SARS1: variants seen among roughly 807,000 people sequenced by gnomAD.
The protein encoded by SARS1 is serine--tRNA ligase, cytoplasmic.
Under a neutral mutation model 63.7 loss-of-function variants are expected in SARS1, and 25 were observed. That is an observed-to-expected ratio of 0.39 (90% confidence interval 0.29 to 0.55). The LOEUF (loss-of-function observed/expected upper bound fraction) is 0.55. Among genes scored for constraint, SARS1 ranks in the 20% least tolerant of loss-of-function variants. The pLI is 0.62. For synonymous variants in SARS1, 231 were observed against 243.5 expected (o/e 0.95, Z 0.48); for missense variants, 417 against 649.7 (o/e 0.64, Z 3.89).
At chr1:109,218,796 T>C (rs1237435453) in intron 1 of SARS1, among the ~76,000 whole-genome samples, 1 of 152,184 alleles carries the variant, frequency 6.6e-6, no homozygotes, top group African/African-American at 2.4e-5. Context: ...CCACCTCATT[T>C]ATTGAGTGCT....
intron 1 of SARS1, among the ~76,000 whole-genome samples, chr1:109,220,193 T>G (rs1410068497): frequency 6.6e-6 from 1 of 152,260 alleles, no homozygotes; most frequent in Non-Finnish European, 1.5e-5. Flanking sequence ...TATGTGTGTC[T>G]TTTGGTAGAC....
chr1:109,224,420 T>C (rs937359686), intron 2 of SARS1, among the ~76,000 whole-genome samples: 2 of 152,226 alleles, frequency 1.3e-5, no homozygotes, highest in East Asian at 1.9e-4. Context: ...AGTTCAAATC[T>C]TGCTACGTTA....
intron 1 of SARS1, among the ~76,000 whole-genome samples, chr1:109,221,970 G>GTATA (rs773937466): frequency 5.7e-4 from 16 of 28,062 alleles, no homozygotes; most frequent in African/African-American, 1.7e-3. Flanking sequence ...TTGTGTGTGT[G>GTATA]TATATATATA....
At position 109,236,506 on chromosome 1, in the gene SARS1, G is replaced by T; in HGVS notation, c.1215G>T (p.Arg405=). The change falls in exon 9 of 11, where the codon CGG becomes CGT. Residue 405 remains arginine, a synonymous_variant. Coordinates refer to ENST00000234677, the MANE Select transcript of SARS1 (RefSeq NM_006513.4). ...CSNCTDYQAR[R]LRIRYGQTKK... is the part of the protein sequence containing the mutation. ...ATTGCACGGATTACCAGGCTCGCCG[G>T]CTTCGAATCCGATATGGGCAAACCA... 6.2e-7 allele frequency: 1 copy of T among 1,607,296 alleles called. No homozygotes were observed. Among genetic ancestry groups the T allele is most frequent in the Middle Eastern group, 1.7e-4 (1 of 6,044 alleles).
chr1:109,234,862 AG>A (rs1655277634), intron 6 of SARS1, among the ~76,000 whole-genome samples: 1 of 152,172 alleles, frequency 6.6e-6, no homozygotes, highest in Admixed American at 6.5e-5. Flanking sequence ...GCTACTCAGG[AG>A]GCTGAGGTGG....
intron 3 of SARS1, among the ~76,000 whole-genome samples, chr1:109,228,830 A>G (rs1655145035): frequency 6.6e-6 from 1 of 152,194 alleles, no homozygotes; most frequent in African/African-American, 2.4e-5. Flanking sequence ...TGAAACCCTT[A>G]ACATATAGCA....
chr1:109,237,794 A>G lies in SARS1; in HGVS notation c.1451A>G (p.Gln484Arg), dbSNP rs767370054. 1 of 1,614,240 alleles carries G rather than the reference A, an allele frequency of 6.2e-7. No individual in the cohort carries two copies. The highest frequency in any genetic ancestry group is 2.2e-5 in the East Asian group (1 of 44,886). Reference protein sequence around the residue: ...APIEQEPSKKQKKQHEGSKKK... With the variant: ...APIEQEPSKKRKKQHEGSKKK... ...ATTGAGCAGGAGCCATCAAAGAAGC[A>G]GAAGAAGCAACATGAGGGCAGCAAA... Residue 484 changes from glutamine to arginine, a missense_variant, in exon 11 of 11, where the codon CAG becomes CGG. Around this residue, in one of 3 missense-constraint regions of SARS1, gnomAD observed 43 missense variants for 68.1 expected, o/e 0.63. Transcript: ENST00000234677. The surrounding 1 kb of genome is among the most constrained non-coding windows in gnomAD (Gnocchi z 4.1).
At chr1:109,229,607 G>A in intron 4 of SARS1, 35 bp downstream of exon 4, 3 of 1,597,054 alleles carry the variant, frequency 1.9e-6, no homozygotes, top group Non-Finnish European at 2.6e-6. Flanking sequence ...GGCTGCCTTA[G>A]GTCGCTGCTG....
intron 1 of SARS1, among the ~76,000 whole-genome samples, chr1:109,221,975 T>C (rs1437644963): frequency 2.8e-4 from 1 of 3,538 alleles, no homozygotes; most frequent in African/African-American, 8.0e-4. Context: ...TGTGTGTATA[T>C]ATATATATAT....
intron 2 of SARS1, among the ~76,000 whole-genome samples, chr1:109,225,082 C>T (rs1655036480): frequency 6.6e-6 from 1 of 152,168 alleles, no homozygotes; most frequent in Non-Finnish European, 1.5e-5. Flanking sequence ...TCCATCCAGC[C>T]TGGGTTTCCA....
In SARS1 at chr1:109,214,176, TTC is replaced by T; in HGVS notation, c.136+55_136+56del. On this transcript the variant is annotated intron_variant, in intron 1 of 10. Coordinates refer to ENST00000234677, the MANE Select transcript of SARS1 (RefSeq NM_006513.4). The surrounding 1 kb of genome is among the most constrained non-coding windows in gnomAD (Gnocchi z 4.6). ...TACCTCCTTGATGCTAAACCCAATT[TTC>T]TCTCTCAAATCCAGCCACCGCTCCT... 1 of 1,592,818 alleles carries T rather than the reference TTC, an allele frequency of 6.3e-7. No individual in the cohort carries two copies. Among genetic ancestry groups the T allele is most frequent in the South Asian group, 1.1e-5 (1 of 88,358 alleles).
intron 1 of SARS1, among the ~76,000 whole-genome samples, chr1:109,222,700 C>G (rs530803340): frequency 1.3e-5 from 2 of 152,300 alleles, no homozygotes; most frequent in African/African-American, 4.8e-5. Flanking sequence ...TTCTAGTCAT[C>G]AATTTTGCCT....
intron 6 of SARS1, among the ~76,000 whole-genome samples, chr1:109,232,818 T>A (rs1655235278): frequency 6.6e-6 from 1 of 152,198 alleles, no homozygotes; most frequent in South Asian, 2.1e-4. Flanking sequence ...ATTAGAAATA[T>A]CCGCTGCAGG....
chr1:109,229,657 CTG>C, intron 4 of SARS1, 85 bp downstream of exon 4: 1 of 1,349,672 alleles, frequency 7.4e-7, no homozygotes, highest in East Asian at 2.3e-5. Flanking sequence ...CTGTGGAACA[CTG>C]GCATTGTCTG....
chr1:109,233,498 A>T lies in SARS1; in HGVS notation c.747+1712A>T, dbSNP rs199801346. On this transcript the variant is annotated intron_variant, in intron 6 of 10. Coordinates refer to ENST00000234677, the MANE Select transcript of SARS1 (RefSeq NM_006513.4). ...TTTCTTCCTTACTTTTTTTTTTTTT[A>T]ATTAAAATGCTGCTACATAACAAAA... 1.0e-4 allele frequency among the ~76,000 whole-genome samples: 13 copies of T among 128,530 alleles called. 1 individual carries two copies. Among genetic ancestry groups the T allele is most frequent in the Non-Finnish European group, 1.6e-4 (9 of 57,208 alleles). 84.3% of individuals were successfully genotyped at this position (128,530 alleles called of 152,430 possible). A position where few individuals can be genotyped will look rare whatever the true frequency, so the allele number is the denominator to read the frequency against.
chr1:109,226,825 T>G (rs894381362), intron 2 of SARS1, among the ~76,000 whole-genome samples: 1 of 149,804 alleles, frequency 6.7e-6, no homozygotes, highest in African/African-American at 2.5e-5. Flanking sequence ...GCTAAAGTGA[T>G]CTGCCCACCT....
intron 1 of SARS1, among the ~76,000 whole-genome samples, chr1:109,223,219 A>G (rs150373340): frequency 4.6e-5 from 7 of 152,230 alleles, no homozygotes; most frequent in African/African-American, 1.7e-4. Context: ...AGGCTGCTAG[A>G]TGAGCATTAT....
At chr1:109,233,349 A>G (rs923595272) in intron 6 of SARS1, among the ~76,000 whole-genome samples, 2 of 152,072 alleles carry the variant, frequency 1.3e-5, no homozygotes, top group Non-Finnish European at 2.9e-5. Flanking sequence ...TGGCTATACC[A>G]TATTAGGCTG....
chr1:109,229,092 A>G (rs1405049541), intron 3 of SARS1, among the ~76,000 whole-genome samples: 1 of 152,188 alleles, frequency 6.6e-6, no homozygotes, highest in Non-Finnish European at 1.5e-5. Context: ...AAAATCAGAA[A>G]GTGCAAATTA....
Sources: allele counts gnomAD v4.1 joint callset (sites outside exome capture counted in the v4.1 genomes callset), GRCh38; gene constraint gnomAD v4.1.1; regional missense constraint gnomAD v4.1.1; non-coding constraint Gnocchi (gnomAD v3.1); transcripts MANE v1.5; gene names NCBI Gene and HGNC (gene_info 2026-07-23, HGNC 2026-07-21).